The following DNAJB6 variants were observed in gnomAD, a reference collection of about 807,000 sequenced individuals.
DNAJB6 encodes dnaJ homolog subfamily B member 6.
DNAJB6 carries 16 observed loss-of-function variants against 42.7 expected under a neutral mutation model. The ratio of observed to expected loss-of-function variants is 0.37; its 90% CI spans 0.25 to 0.57. The LOEUF is 0.57. Among genes scored for constraint, DNAJB6 ranks in the 20% least tolerant of loss-of-function variants. The pLI, the probability that DNAJB6 is intolerant of heterozygous loss-of-function variation, is 0.74. For synonymous variants in DNAJB6, 170 were observed against 163.5 expected (o/e 1.04, Z -0.30); for missense variants, 347 against 416.8 (o/e 0.83, Z 1.46).
intron 1 of DNAJB6, among the ~76,000 whole-genome samples, chr7:157,341,548 A>G (rs1798382287): frequency 6.6e-6 from 1 of 152,224 alleles, no homozygotes; most frequent in African/African-American, 2.4e-5. Context: ...CCAAAGGCTT[A>G]AATTAAAAGT....
intron 8 of DNAJB6, among the ~76,000 whole-genome samples, chr7:157,405,284 G>GT (rs2117192246): frequency 6.6e-6 from 1 of 152,358 alleles, no homozygotes; most frequent in South Asian, 2.1e-4. Context: ...ATGGGAGAGG[G>GT]TGTTGCTGTG....
At chr7:157,396,852 T>A (rs904216309) in intron 8 of DNAJB6, among the ~76,000 whole-genome samples, 2 of 147,784 alleles carry the variant, frequency 1.4e-5, no homozygotes, top group African/African-American at 5.1e-5. Context: ...GTCTAAGGGG[T>A]TTTTCAGGCA....
rs1056316069 is a variant in DNAJB6, at chr7:157,370,409, C to G, written c.346+2926C>G. Among the ~76,000 whole-genome samples, 3 of 152,120 alleles carry G rather than the reference C, an allele frequency of 2.0e-5. No individual in the cohort carries two copies. The East Asian group carries it at 5.8e-4, about 29-fold the overall frequency. On this transcript the variant is annotated intron_variant, in intron 5 of 9. Coordinates refer to ENST00000262177, the MANE Select transcript of DNAJB6 (RefSeq NM_058246.4). ...TTCTTAACATTATTATTAAATGGGC[C>G]CTTTCTTAACATTATGATTAAACAG...
intron 8 of DNAJB6, among the ~76,000 whole-genome samples, chr7:157,388,837 A>G (rs1801207225): frequency 6.6e-6 from 1 of 151,748 alleles, no homozygotes; most frequent in Non-Finnish European, 1.5e-5. Context: ...GTAGCTCCCC[A>G]CCCCGTTGGT....
At chr7:157,337,546 C>G (rs1378820180) in intron 1 of DNAJB6, 1 of 152,206 alleles carries the variant, frequency 6.6e-6, no homozygotes, top group African/African-American at 2.4e-5. Context: ...CTCCCGCACT[C>G]GCGTCTGAAA....
chr7:157,353,091 T>A (rs1047940336), intron 1 of DNAJB6, among the ~76,000 whole-genome samples: 21 of 151,912 alleles, frequency 1.4e-4, no homozygotes, highest in African/African-American at 5.1e-4. Context: ...TTTTTTTTTT[T>A]AATTTTTAAA....
intron 3 of DNAJB6, 62 bp from the exon 4 acceptor site, chr7:157,366,440 T>TA (rs1799847611): frequency 9.1e-6 from 13 of 1,431,146 alleles, no homozygotes; most frequent in Non-Finnish European, 1.3e-5. Context: ...GGAAATACCT[T>TA]ATCTATTGAA....
At chr7:157,349,176 A>G (rs994134041) in intron 1 of DNAJB6, among the ~76,000 whole-genome samples, 3 of 152,056 alleles carry the variant, frequency 2.0e-5, no homozygotes, top group Non-Finnish European at 4.4e-5. Flanking sequence ...AGACCCTGCA[A>G]CGGCCATGTG....
intron 5 of DNAJB6, 51 bp from the exon 6 acceptor site, chr7:157,382,194 GA>G: frequency 6.6e-7 from 1 of 1,522,150 alleles, no homozygotes; most frequent in Non-Finnish European, 8.8e-7. Context: ...ATCACATGAG[GA>G]AAAAAACTTG....
chr7:157,370,337 A>G (rs1230670255), intron 5 of DNAJB6, among the ~76,000 whole-genome samples: 1 of 152,168 alleles, frequency 6.6e-6, no homozygotes. Flanking sequence ...CCTTCTTAAC[A>G]TTATTATTAA....
chr7:157,372,528 G>A (rs1345942158), intron 5 of DNAJB6, among the ~76,000 whole-genome samples: 1 of 152,220 alleles, frequency 6.6e-6, no homozygotes, highest in Non-Finnish European at 1.5e-5. Flanking sequence ...TTAAAACAGT[G>A]TATCTAGAAT....
chr7:157,351,270 A>G (rs967057638), intron 1 of DNAJB6, among the ~76,000 whole-genome samples: 2 of 152,124 alleles, frequency 1.3e-5, no homozygotes, highest in Non-Finnish European at 2.9e-5. Flanking sequence ...TTAAAGGTCA[A>G]TAGTAGTTGG....
rs182156756 is a variant in DNAJB6 at position 157,348,186 on chromosome 7, G to A, written c.-26-10361G>A. Among the ~76,000 whole-genome samples the A allele has an allele frequency of 1.6e-3, 244 of 151,830 alleles. 2 individuals carry two copies. Among genetic ancestry groups the A allele is most frequent in the Admixed American group, 4.7e-3 (71 of 15,206 alleles). Reference sequence around the variant, plus strand: ...TGGCTCACTGTGACCTCTGCCTCCCGGGTTCAAGCGATTCTCCTGCCTCAG... The same window carrying A: ...TGGCTCACTGTGACCTCTGCCTCCCAGGTTCAAGCGATTCTCCTGCCTCAG... On this transcript the variant is annotated intron_variant, in intron 1 of 9. Coordinates refer to ENST00000262177, the MANE Select transcript of DNAJB6 (RefSeq NM_058246.4).
intron 8 of DNAJB6, among the ~76,000 whole-genome samples, chr7:157,409,518 C>T (rs1795893774): frequency 6.6e-6 from 1 of 152,212 alleles, no homozygotes; most frequent in South Asian, 2.1e-4. Context: ...TCGGAAGAGG[C>T]GTGTTGACTG....
chr7:157,394,555 C>T (rs983323331), intron 8 of DNAJB6, among the ~76,000 whole-genome samples: 5 of 152,126 alleles, frequency 3.3e-5, no homozygotes, highest in Non-Finnish European at 5.9e-5. Flanking sequence ...AAATATGAAT[C>T]CATCTAGAAC....
At chr7:157,374,057 T>G (rs1414705607) in intron 5 of DNAJB6, among the ~76,000 whole-genome samples, 1 of 152,182 alleles carries the variant, frequency 6.6e-6, no homozygotes, top group Non-Finnish European at 1.5e-5. Context: ...AACCGTGATG[T>G]ACGAGACTGG....
intron 5 of DNAJB6, among the ~76,000 whole-genome samples, chr7:157,375,937 T>C (rs1800449012): frequency 6.6e-6 from 1 of 152,176 alleles, no homozygotes; most frequent in South Asian, 2.1e-4. Context: ...TGTTTTGCTG[T>C]CATTTTTTTG....
intron 6 of DNAJB6, 52 bp from the exon 7 acceptor site, chr7:157,384,815 A>G (rs1584927157): frequency 2.6e-6 from 4 of 1,562,922 alleles, no homozygotes; most frequent in Admixed American, 3.5e-5. Flanking sequence ...TTGTCTTTGC[A>G]TTACTAGTTG....
intron 8 of DNAJB6, among the ~76,000 whole-genome samples, chr7:157,390,672 G>A (rs1455631787): frequency 3.3e-5 from 5 of 152,164 alleles, no homozygotes; most frequent in Non-Finnish European, 5.9e-5. Context: ...TCAGCGCTGT[G>A]CTGCGAGCTC....
Sources: allele counts gnomAD v4.1 joint callset (sites outside exome capture counted in the v4.1 genomes callset), GRCh38; gene constraint gnomAD v4.1.1; transcripts MANE v1.5; gene names NCBI Gene and HGNC (gene_info 2026-07-23, HGNC 2026-07-21).